The following FAM78B variants were observed in gnomAD, a reference collection of about 807,000 sequenced individuals.
The protein encoded by FAM78B is protein FAM78B.
In FAM78B, 10 loss-of-function variants were observed where a neutral mutation model predicts 20.0. The observed-to-expected ratio is 0.50, with a 90% CI of 0.31 to 0.85. The LOEUF is 0.85. Among genes scored for constraint, FAM78B ranks in the 40% least tolerant of loss-of-function variants. FAM78B has a pLI of 0.05. For missense variants in FAM78B, 283 were observed against 345.0 expected, an observed-to-expected ratio of 0.82 and a Z score of 1.42; for synonymous variants, 135 against 132.8, an observed-to-expected ratio of 1.02 and a Z score of -0.12.
At chr1:166,160,415 G>A (rs1378072498) in intron 1 of FAM78B, among the ~76,000 whole-genome samples, 1 of 152,248 alleles carries the variant, frequency 6.6e-6, no homozygotes, top group Non-Finnish European at 1.5e-5. Context: ...TAGGTGATAC[G>A]AGAGCAAGGC....
intron 1 of FAM78B, among the ~76,000 whole-genome samples, chr1:166,110,907 T>C (rs1021635425): frequency 1.3e-5 from 2 of 152,150 alleles, no homozygotes; most frequent in Non-Finnish European, 2.9e-5. Flanking sequence ...TAATCAAGCT[T>C]TGGAAAGTCT....
chr1:166,061,140 T>C (rs1449397860), intron 2 of FAM78B, among the ~76,000 whole-genome samples: 1 of 152,228 alleles, frequency 6.6e-6, no homozygotes, highest in African/African-American at 2.4e-5. Flanking sequence ...TCACATGAGA[T>C]AAAACTTACT....
At chr1:166,098,943 A>G (rs1653391669) in intron 1 of FAM78B, among the ~76,000 whole-genome samples, 1 of 152,204 alleles carries the variant, frequency 6.6e-6, no homozygotes. Flanking sequence ...ACACACTGTC[A>G]TCAGGTTATC....
In FAM78B at chr1:166,166,223, C is replaced by G. The variant is rs763392174; in HGVS notation, c.26G>C (p.Cys9Ser). 2 of 1,547,202 alleles carry G rather than the reference C, an allele frequency of 1.3e-6. No individual in the cohort carries two copies. MGCIQSIT[C>S]KARIRRENIV... Reference sequence around the variant, plus strand: ...GTTCTCGCGCCGGATCCGCGCCTTGCAGGTGATGCTTTGGATACAGCCCAT... The same window carrying G: ...GTTCTCGCGCCGGATCCGCGCCTTGGAGGTGATGCTTTGGATACAGCCCAT... Residue 9 changes from cysteine to serine, a missense_variant, in exon 1 of 2, where the codon TGC becomes TCC. Cys to Ser is a moderately radical substitution (Grantham distance 112). Coordinates refer to ENST00000354422, the MANE Select transcript of FAM78B (RefSeq NM_001017961.5).
intron 1 of FAM78B, among the ~76,000 whole-genome samples, chr1:166,109,111 T>C (rs1183965035): frequency 6.6e-6 from 1 of 152,180 alleles, no homozygotes; most frequent in East Asian, 1.9e-4. Context: ...AAGGATTTCA[T>C]GACCAAGAAC....
intron 1 of FAM78B, among the ~76,000 whole-genome samples, chr1:166,081,772 A>G (rs1652590685): frequency 6.6e-6 from 1 of 152,188 alleles, no homozygotes; most frequent in Non-Finnish European, 1.5e-5. Context: ...GGCTGGAGGT[A>G]GAGGTCAGCA....
At chr1:166,132,501 AG>A (rs898540739) in intron 1 of FAM78B, among the ~76,000 whole-genome samples, 4 of 152,220 alleles carry the variant, frequency 2.6e-5, no homozygotes, top group Non-Finnish European at 5.9e-5. Context: ...AAAAAAACCC[AG>A]GTGTGTGCAA....
intron 1 of FAM78B, among the ~76,000 whole-genome samples, chr1:166,093,090 G>A (rs189804423): frequency 1.1e-4 from 16 of 152,218 alleles, no homozygotes; most frequent in African/African-American, 3.9e-4. Flanking sequence ...ACTCCTCAAA[G>A]GAGCCCTGAG....
chr1:166,100,766 G>C (rs1289824121), intron 1 of FAM78B, among the ~76,000 whole-genome samples: 1 of 152,240 alleles, frequency 6.6e-6, no homozygotes, highest in Admixed American at 6.5e-5. Context: ...ACCTCTGGGA[G>C]CAGGGCATAG....
chr1:166,122,231 C>G (rs1159492981), intron 1 of FAM78B, among the ~76,000 whole-genome samples: 2 of 152,050 alleles, frequency 1.3e-5, no homozygotes, highest in African/African-American at 4.8e-5. Flanking sequence ...GATGCCACAG[C>G]TGATAATCAG....
At chr1:166,151,138 C>T (rs1655661852) in intron 1 of FAM78B, among the ~76,000 whole-genome samples, 1 of 152,128 alleles carries the variant, frequency 6.6e-6, no homozygotes, top group South Asian at 2.1e-4. Context: ...AACAAATGCA[C>T]GTAGACTTGT....
intron 1 of FAM78B, among the ~76,000 whole-genome samples, chr1:166,100,333 C>G (rs1213611562): frequency 1.3e-5 from 2 of 152,170 alleles, no homozygotes; most frequent in African/African-American, 4.8e-5. Context: ...TGGGGATTGT[C>G]AGACAGTGGG....
intron 1 of FAM78B, among the ~76,000 whole-genome samples, chr1:166,108,579 T>C (rs756648222): frequency 2.6e-5 from 4 of 152,106 alleles, no homozygotes; most frequent in African/African-American, 4.8e-5. Flanking sequence ...AAAATGACCA[T>C]ACTGCCAAAA....
At chr1:166,129,672 T>C (rs530876001) in intron 1 of FAM78B, among the ~76,000 whole-genome samples, 10 of 152,338 alleles carry the variant, frequency 6.6e-5, no homozygotes, top group African/African-American at 1.9e-4. Flanking sequence ...AGAGTCAAAA[T>C]TGTAGTCCTC....
At chr1:166,128,000 A>G (rs1034453060) in intron 1 of FAM78B, among the ~76,000 whole-genome samples, 25 of 152,354 alleles carry the variant, frequency 1.6e-4, no homozygotes, top group South Asian at 4.1e-4. Context: ...GTTGATAAAA[A>G]CCACCTATGA....
chr1:166,147,781 A>C (rs908606524), intron 1 of FAM78B: 19 of 151,980 alleles, frequency 1.3e-4, no homozygotes, highest in African/African-American at 4.6e-4. Context: ...TCAGGTGCAC[A>C]CCACCATACC....
At chr1:166,103,062 G>A (rs910518080) in intron 1 of FAM78B, among the ~76,000 whole-genome samples, 41 of 152,122 alleles carry the variant, frequency 2.7e-4, no homozygotes, top group Non-Finnish European at 5.7e-4. Context: ...ACTCAAAACT[G>A]CTCAACTACA....
At chr1:166,099,315 G>A (rs1464479306) in intron 1 of FAM78B, among the ~76,000 whole-genome samples, 1 of 151,898 alleles carries the variant, frequency 6.6e-6, no homozygotes, top group Non-Finnish European at 1.5e-5. Context: ...AATCACACAG[G>A]ACCTATAAAA....
intron 1 of FAM78B, among the ~76,000 whole-genome samples, chr1:166,099,025 C>CTGTT (rs1025140162): frequency 1.8e-4 from 28 of 152,288 alleles, no homozygotes; most frequent in Admixed American, 7.2e-4. Flanking sequence ...AAAGGAAAAC[C>CTGTT]TATTAGATTA....
Sources: gnomAD v4.1 joint callset for allele counts (sites outside exome capture counted in the v4.1 genomes callset) on GRCh38, gnomAD v4.1.1 for gene constraint, MANE v1.5 for transcripts, NCBI Gene and HGNC (gene_info 2026-07-23, HGNC 2026-07-21) for gene names.